Variants in SCHIP1 observed in about 807,000 individuals in gnomAD.
SCHIP1 encodes schwannomin interacting protein 1, also known as schwannomin-interacting protein 1.
In SCHIP1, 8 loss-of-function variants were observed where a neutral mutation model predicts 29.7. The ratio of observed to expected loss-of-function variants is 0.27; its 90% CI spans 0.16 to 0.49. The LOEUF is 0.49. Among genes scored for constraint, SCHIP1 ranks in the 20% least tolerant of loss-of-function variants. The pLI is 0.99. For missense variants in SCHIP1, 193 were observed against 294.6 expected, an observed-to-expected ratio of 0.66 and a Z score of 2.52; for synonymous variants, 76 against 94.9, an observed-to-expected ratio of 0.80 and a Z score of 1.16.
chr3:159,616,298 C>T, the SCHIP1 span, among the ~76,000 whole-genome samples: 14 of 152,272 alleles, frequency 9.2e-5, no homozygotes, highest in East Asian at 2.1e-3. Context: ...GACGGGGCTT[C>T]ACCACGTTGG....
the SCHIP1 span, among the ~76,000 whole-genome samples, chr3:159,327,352 A>AG: frequency 1.3e-5 from 2 of 152,178 alleles, no homozygotes; most frequent in Admixed American, 1.3e-4. Flanking sequence ...CACAGTGTCT[A>AG]GAATGTTCCA....
At chr3:159,673,876 G>A in the SCHIP1 span, among the ~76,000 whole-genome samples, 2 of 152,146 alleles carry the variant, frequency 1.3e-5, no homozygotes, top group African/African-American at 4.8e-5. Flanking sequence ...TTGGGACACT[G>A]TGCTAGGCCC....
chr3:159,576,405 T>A, the SCHIP1 span, among the ~76,000 whole-genome samples: 1 of 152,228 alleles, frequency 6.6e-6, no homozygotes, highest in East Asian at 1.9e-4. Flanking sequence ...ATCCATCTTT[T>A]CTCTGTGGCT....
chr3:159,356,651 C>A, the SCHIP1 span, among the ~76,000 whole-genome samples: 1 of 152,292 alleles, frequency 6.6e-6, no homozygotes, highest in East Asian at 1.9e-4. Flanking sequence ...TTTCTTGAAC[C>A]ATTAACAACT....
intron 2 of SCHIP1, among the ~76,000 whole-genome samples, chr3:159,878,463 C>T (rs1482447390): frequency 6.7e-6 from 1 of 149,564 alleles, no homozygotes; most frequent in Non-Finnish European, 1.5e-5. Context: ...GCCTGGGCAA[C>T]AGAGTGAGAC....
the SCHIP1 span, among the ~76,000 whole-genome samples, chr3:159,404,961 G>T: frequency 1.3e-5 from 2 of 152,136 alleles, no homozygotes; most frequent in African/African-American, 4.8e-5. Context: ...CTACTTTTTT[G>T]GGAGAAAGTA....
chr3:159,560,945 C>T, the SCHIP1 span, among the ~76,000 whole-genome samples: 14 of 152,032 alleles, frequency 9.2e-5, no homozygotes, highest in African/African-American at 2.9e-4. Flanking sequence ...ATGGGCTTCC[C>T]TTTTTTAATT....
the SCHIP1 span, among the ~76,000 whole-genome samples, chr3:159,477,369 CAT>C: frequency 6.6e-6 from 1 of 152,208 alleles, no homozygotes; most frequent in South Asian, 2.1e-4. Context: ...TATCATTTTC[CAT>C]AATAGCTGTA....
intron 1 of SCHIP1, among the ~76,000 whole-genome samples, chr3:159,856,949 C>A (rs1314439612): frequency 6.6e-6 from 1 of 152,206 alleles, no homozygotes; most frequent in African/African-American, 2.4e-5. Context: ...AGCCGTCGAC[C>A]TCCATTAACC....
chr3:159,735,957 G>A, the SCHIP1 span, among the ~76,000 whole-genome samples: 2 of 151,228 alleles, frequency 1.3e-5, no homozygotes, highest in African/African-American at 2.4e-5. Context: ...CCTGCATAAT[G>A]AGAATGATAA....
At chr3:159,639,822 G>A in the SCHIP1 span, among the ~76,000 whole-genome samples, 1 of 152,114 alleles carries the variant, frequency 6.6e-6, no homozygotes, top group African/African-American at 2.4e-5. Flanking sequence ...ATGTGACGCT[G>A]GACAACTGAA....
the SCHIP1 span, among the ~76,000 whole-genome samples, chr3:159,739,553 T>G: frequency 2.6e-5 from 4 of 152,104 alleles, no homozygotes; most frequent in African/African-American, 9.7e-5. Context: ...CCTTGAGAGA[T>G]TTTTTTCAGT....
intron 1 of SCHIP1, chr3:159,840,264 C>A: frequency 7.0e-7 from 1 of 1,433,248 alleles, no homozygotes. Context: ...GGAGAGGAGG[C>A]CTTCCTCTTC....
At chr3:159,866,062 C>A (rs531257868) in intron 1 of SCHIP1, 101 bp from the exon 3 acceptor site, 10 of 974,640 alleles carry the variant, frequency 1.0e-5, no homozygotes, top group African/African-American at 6.6e-5. Flanking sequence ...ATTTGTTTTT[C>A]ATCTAATGTT....
the SCHIP1 span, among the ~76,000 whole-genome samples, chr3:159,586,104 C>T: frequency 6.6e-6 from 1 of 151,910 alleles, no homozygotes; most frequent in Non-Finnish European, 1.5e-5. Context: ...CTTAAATCTG[C>T]TAGATAAGCC....
At chr3:159,625,070 A>C in the SCHIP1 span, among the ~76,000 whole-genome samples, 1 of 152,216 alleles carries the variant, frequency 6.6e-6, no homozygotes, top group Admixed American at 6.5e-5. Context: ...GAAAAGCAAC[A>C]AACAACAGAC....
At chr3:159,805,152 G>T in the SCHIP1 span, among the ~76,000 whole-genome samples, 1 of 152,196 alleles carries the variant, frequency 6.6e-6, no homozygotes, top group Non-Finnish European at 1.5e-5. Flanking sequence ...TTTGCAGGAG[G>T]AATTGAAGGT....
the SCHIP1 span, among the ~76,000 whole-genome samples, chr3:159,823,041 A>T: frequency 6.6e-6 from 1 of 152,008 alleles, no homozygotes; most frequent in Admixed American, 6.6e-5. Flanking sequence ...AGGACTTATG[A>T]TGGACTTGGG....
At chr3:159,464,726 T>C in the SCHIP1 span, among the ~76,000 whole-genome samples, 1 of 152,184 alleles carries the variant, frequency 6.6e-6, no homozygotes, top group Non-Finnish European at 1.5e-5. Context: ...CTTGAATCAA[T>C]TGAATGAAAG....
Sources: gnomAD v4.1 joint callset for allele counts (sites outside exome capture counted in the v4.1 genomes callset) on GRCh38, gnomAD v4.1.1 for gene constraint, MANE v1.5 for transcripts, NCBI Gene and HGNC (gene_info 2026-07-23, HGNC 2026-07-21) for gene names.